Variants in ADAM18 observed in about 807,000 individuals in gnomAD.
The protein encoded by ADAM18 is disintegrin and metalloproteinase domain-containing protein 18.
A neutral mutation model predicts 94.4 loss-of-function variants in ADAM18; 117 were observed. That is an observed-to-expected ratio of 1.24 (90% CI 1.07 to 1.45). The LOEUF (loss-of-function observed/expected upper bound fraction) is 1.45. Ranked by LOEUF, ADAM18 falls within the 40% of genes most tolerant of loss-of-function variation. The pLI is 0.00. For missense variants in ADAM18, 936 were observed against 880.0 expected (o/e 1.06, Z -0.81); for synonymous variants, 327 against 291.6 (o/e 1.12, Z -1.24).
chr8:39,612,301 G>A (rs767699012), intron 6 of ADAM18, among the ~76,000 whole-genome samples: 2 of 152,120 alleles, frequency 1.3e-5, no homozygotes, highest in Non-Finnish European at 2.9e-5. Context: ...TGCTGAATGG[G>A]GAGGAAGCTG....
intron 12 of ADAM18, among the ~76,000 whole-genome samples, chr8:39,663,242 A>G (rs1820893119): frequency 6.6e-6 from 1 of 152,000 alleles, no homozygotes; most frequent in Non-Finnish European, 1.5e-5. Flanking sequence ...CTGCTATTTT[A>G]GATGTTATTT....
chr8:39,667,508 A>T (rs1821023939), intron 13 of ADAM18, among the ~76,000 whole-genome samples: 1 of 151,994 alleles, frequency 6.6e-6, no homozygotes, highest in Admixed American at 6.6e-5. Context: ...ACTCCTGTTC[A>T]ATACTAATAA....
At chr8:39,661,182 T>C (rs376726073) in intron 12 of ADAM18, among the ~76,000 whole-genome samples, 2 of 143,908 alleles carry the variant, frequency 1.4e-5, no homozygotes, top group East Asian at 4.0e-4. Context: ...TGAGGGAGTC[T>C]CGGTTTGTCG....
chr8:39,637,827 C>A (rs1820128192), intron 9 of ADAM18, 124 bp downstream of exon 9: 2 of 813,128 alleles, frequency 2.5e-6, no homozygotes, highest in Non-Finnish European at 3.5e-6. Context: ...AAATTAGTAG[C>A]CTTTGTCATA....
chr8:39,686,001 T>A (rs1821597757), intron 16 of ADAM18, among the ~76,000 whole-genome samples: 1 of 152,204 alleles, frequency 6.6e-6, no homozygotes, highest in South Asian at 2.1e-4. Flanking sequence ...TCCATTTTCC[T>A]ACCAATGCTC....
chr8:39,620,935 G>T (rs1819597388), intron 6 of ADAM18, among the ~76,000 whole-genome samples: 1 of 151,660 alleles, frequency 6.6e-6, no homozygotes, highest in Non-Finnish European at 1.5e-5. Flanking sequence ...TTGGGTGATG[G>T]ATACCCTAAA....
chr8:39,673,041 T>A (rs939637814), intron 14 of ADAM18, among the ~76,000 whole-genome samples: 1 of 152,204 alleles, frequency 6.6e-6, no homozygotes, highest in Non-Finnish European at 1.5e-5. Context: ...TTTAATGTGT[T>A]TGATGTCTGT....
chr8:39,617,753 C>T (rs1230907429), intron 6 of ADAM18, among the ~76,000 whole-genome samples: 1 of 151,994 alleles, frequency 6.6e-6, no homozygotes, highest in Admixed American at 6.6e-5. Flanking sequence ...ACTCAAATAC[C>T]ACATGTTCTC....
At chr8:39,720,880 T>C (rs1822725009) in intron 18 of ADAM18, among the ~76,000 whole-genome samples, 1 of 151,430 alleles carries the variant, frequency 6.6e-6, no homozygotes, top group African/African-American at 2.4e-5. Context: ...TATGCATATA[T>C]CTGATTTTCA....
chr8:39,685,544 T>A (rs1377307830), intron 16 of ADAM18: 7 of 152,220 alleles, frequency 4.6e-5, no homozygotes, highest in Admixed American at 2.6e-4. Flanking sequence ...AGGGGCATTC[T>A]TCCATTGAGT....
intron 3 of ADAM18, among the ~76,000 whole-genome samples, chr8:39,607,219 T>C (rs1819112705): frequency 1.3e-5 from 2 of 152,206 alleles, no homozygotes; most frequent in African/African-American, 4.8e-5. Flanking sequence ...TTTTAGAACA[T>C]TCTTTCCCCA....
At chr8:39,669,091 G>T (rs1279732686) in intron 14 of ADAM18, among the ~76,000 whole-genome samples, 1 of 151,236 alleles carries the variant, frequency 6.6e-6, no homozygotes, top group African/African-American at 2.4e-5. Flanking sequence ...ACTTATTTCT[G>T]TTTGAATAGT....
intron 10 of ADAM18, among the ~76,000 whole-genome samples, chr8:39,638,802 T>C (rs887532309): frequency 6.6e-6 from 1 of 151,908 alleles, no homozygotes; most frequent in African/African-American, 2.4e-5. Flanking sequence ...GACACGAACA[T>C]TTGCTTTAGA....
rs750379414 is a variant in ADAM18, at chr8:39,663,819, G to C, written c.1255G>C (p.Asp419His). Residue 419 changes from aspartate (D) to histidine (H), a missense_variant, in exon 13 of 20, where the codon GAT becomes CAT. By Grantham distance (81) the Asp-to-His change is moderately conservative (BLOSUM62 -1). Coordinates refer to ENST00000265707, the MANE Select transcript of ADAM18 (RefSeq NM_014237.3). ...GGAATGTCAATTTAAGAAGTGCTGT[G>C]ATTATAACACATGTAAACTGAAGGG... ...KNECQFKKCC[D>H]YNTCKLKGSV... 1 of 1,612,642 alleles carries C rather than the reference G, an allele frequency of 6.2e-7. No homozygotes were observed. Among genetic ancestry groups the C allele is most frequent in the Non-Finnish European group, 8.5e-7 (1 of 1,179,558 alleles).
intron 17 of ADAM18, among the ~76,000 whole-genome samples, chr8:39,697,700 T>G (rs1821964706): frequency 6.6e-6 from 1 of 151,784 alleles, no homozygotes. Context: ...GTATGGTGGC[T>G]AAAATTAACA....
At chr8:39,608,164 C>T (rs936697723) in intron 3 of ADAM18, among the ~76,000 whole-genome samples, 1 of 151,730 alleles carries the variant, frequency 6.6e-6, no homozygotes, top group Admixed American at 6.6e-5. Context: ...GATTATAAAC[C>T]TCTGTATTCA....
chr8:39,656,492 A>G (rs906807905), intron 12 of ADAM18, among the ~76,000 whole-genome samples: 1 of 152,196 alleles, frequency 6.6e-6, no homozygotes, highest in Non-Finnish European at 1.5e-5. Context: ...TATATTGTTG[A>G]TAAATGTGTA....
chr8:39,708,891 G>A lies in ADAM18; in HGVS notation c.2017+1987G>A, dbSNP rs189583671. Reference sequence around the variant, plus strand: ...GCATTGGCAGGAGCAAACACAGTGCGGGCCCTGCGCCCGCATCTGGAGAGG... The same window carrying A: ...GCATTGGCAGGAGCAAACACAGTGCAGGCCCTGCGCCCGCATCTGGAGAGG... On this transcript the variant is annotated intron_variant, in intron 18 of 19. Transcript: ENST00000265707. 1.1e-3 allele frequency among the ~76,000 whole-genome samples: 172 copies of A among 152,336 alleles called. 1 individual carries two copies. Among genetic ancestry groups the A allele is most frequent in the African/African-American group, 4.0e-3 (165 of 41,586 alleles).
chr8:39,725,811 C>T (rs1822890032), intron 19 of ADAM18, among the ~76,000 whole-genome samples: 1 of 152,118 alleles, frequency 6.6e-6, no homozygotes, highest in Non-Finnish European at 1.5e-5. Context: ...CTACAATGAA[C>T]ATGGAAGTGC....
Sources: gnomAD v4.1 joint callset for allele counts (sites outside exome capture counted in the v4.1 genomes callset) on GRCh38, gnomAD v4.1.1 for gene constraint, MANE v1.5 for transcripts, NCBI Gene and HGNC (gene_info 2026-07-23, HGNC 2026-07-21) for gene names.